VWA8: variants seen among roughly 807,000 people sequenced by gnomAD.
The protein encoded by VWA8 is von Willebrand factor A domain containing 8.
In VWA8, 221 loss-of-function variants were observed where a neutral mutation model predicts 241.5. The ratio of observed to expected loss-of-function variants is 0.91; its 90% CI spans 0.82 to 1.02. The LOEUF is 1.02. Among genes scored for constraint, VWA8 ranks in the 50% least tolerant of loss-of-function variants. VWA8 has a pLI of 0.00. For synonymous variants in VWA8, 852 were observed against 827.1 expected, an observed-to-expected ratio of 1.03 and a Z score of -0.52; for missense variants, 2,322 against 2,328.7, an observed-to-expected ratio of 1.00 and a Z score of 0.06.
intron 25 of VWA8, 57 bp downstream of exon 25, chr13:41,721,313 C>A: frequency 6.4e-7 from 1 of 1,573,018 alleles, no homozygotes; most frequent in South Asian, 1.1e-5. Flanking sequence ...ACTGTACAGT[C>A]TGAAAAAATA....
chr13:41,831,618 T>G (rs956037573), intron 13 of VWA8, among the ~76,000 whole-genome samples: 1 of 83,064 alleles, frequency 1.2e-5, no homozygotes, highest in Non-Finnish European at 3.2e-5. Context: ...CATGAGTTTT[T>G]TTTTTTTTTT....
At chr13:41,732,311 T>G (rs1259989917) in intron 21 of VWA8, among the ~76,000 whole-genome samples, 156 bp from the exon 22 acceptor site, 3 of 152,086 alleles carry the variant, frequency 2.0e-5, no homozygotes, top group Non-Finnish European at 2.9e-5. Flanking sequence ...GAAATTTATT[T>G]GAGTAACAAT....
At chr13:41,870,650 AAAG>A (rs1221482325) in intron 9 of VWA8, among the ~76,000 whole-genome samples, 1 of 151,778 alleles carries the variant, frequency 6.6e-6, no homozygotes, top group Non-Finnish European at 1.5e-5. Flanking sequence ...AAAAAAAAAA[AAAG>A]AAAAAAAATT....
chr13:41,716,470 G>A (rs914577024), intron 26 of VWA8, among the ~76,000 whole-genome samples: 3 of 152,190 alleles, frequency 2.0e-5, no homozygotes, highest in Middle Eastern at 3.4e-3. Context: ...GAACAGACAA[G>A]TATATTCTGA....
At chr13:41,586,999 G>A (rs573514995) in intron 42 of VWA8, among the ~76,000 whole-genome samples, 25 of 152,114 alleles carry the variant, frequency 1.6e-4, no homozygotes, top group Middle Eastern at 6.8e-3. Context: ...AAAATGGAGG[G>A]TGTGCAGCAA....
At position 41,815,832 on chromosome 13, in the gene VWA8, G is replaced by A. The variant is rs9532927; in HGVS notation, c.1947+866C>T. Among the ~76,000 whole-genome samples the A allele has an allele frequency of 5.5e-3, 835 of 152,306 alleles. 4 individuals are homozygous for A. Among genetic ancestry groups the A allele is most frequent in the Non-Finnish European group, 9.2e-3 (627 of 68,024 alleles). ...CAGTCAAGAGGATATAATATTCCAG[G>A]AGAAAGATTATGAAATCCACTACTA... On this transcript the variant is annotated intron_variant, in intron 16 of 44. Coordinates refer to ENST00000379310, the MANE Select transcript of VWA8 (RefSeq NM_015058.2).
At chr13:41,736,112 T>A (rs2045522864) in intron 21 of VWA8, among the ~76,000 whole-genome samples, 1 of 152,186 alleles carries the variant, frequency 6.6e-6, no homozygotes, top group South Asian at 2.1e-4. Context: ...TACATGTTCT[T>A]AGCCTAAAGC....
At chr13:41,704,474 TTTTC>T (rs2045270565) in intron 26 of VWA8, among the ~76,000 whole-genome samples, 2 of 151,920 alleles carry the variant, frequency 1.3e-5, no homozygotes, top group African/African-American at 4.8e-5. Flanking sequence ...TTTTTTTTTT[TTTTC>T]TTTGAGACAG....
intron 19 of VWA8, among the ~76,000 whole-genome samples, chr13:41,782,134 C>A (rs374417406): frequency 2.0e-5 from 3 of 152,170 alleles, no homozygotes; most frequent in African/African-American, 7.2e-5. Context: ...AGAGAAGGTA[C>A]GTTTGGAGAC....
chr13:41,568,303 A>T lies in VWA8; in HGVS notation c.5612T>A (p.Leu1871His). Residue 1871 changes from leucine to histidine, a missense_variant and splice_region_variant, in exon 45 of 45, where the codon CTT (leucine) becomes CAT (histidine). By Grantham distance (99) the Leu-to-His change is moderately conservative. Transcript: ENST00000379310. ...IGSLGDQATRLQRTLPAGRSF... is the reference protein window; with the variant it reads ...IGSLGDQATRHQRTLPAGRSF... The stretch of plus-strand genomic sequence containing the variant: ...CCGACCAGCTGGTAAAGTTCTCTGA[A>T]GCCTGCCAGGATGGAAAGGGAAAGG... The T allele has an allele frequency of 6.2e-7, 1 of 1,613,972 alleles. No individual in the cohort carries two copies.
At chr13:41,770,541 G>GA (rs2045813705) in intron 20 of VWA8, among the ~76,000 whole-genome samples, 1 of 151,910 alleles carries the variant, frequency 6.6e-6, no homozygotes, top group South Asian at 2.1e-4. Flanking sequence ...GTCTCTCTAT[G>GA]AAGGGGATTT....
intron 42 of VWA8, among the ~76,000 whole-genome samples, chr13:41,576,296 T>C (rs1448768470): frequency 2.0e-5 from 3 of 152,246 alleles, no homozygotes; most frequent in Non-Finnish European, 2.9e-5. Flanking sequence ...GCACAAATGC[T>C]GTAAGAGAGT....
At chr13:41,921,717 C>T (rs904657287) in intron 2 of VWA8, among the ~76,000 whole-genome samples, 6 of 152,124 alleles carry the variant, frequency 3.9e-5, no homozygotes, top group African/African-American at 1.2e-4. Flanking sequence ...CCTAGGAATC[C>T]AACTTACAAG....
chr13:41,820,015 G>A (rs1331318666), intron 14 of VWA8, among the ~76,000 whole-genome samples: 1 of 152,144 alleles, frequency 6.6e-6, no homozygotes, highest in Non-Finnish European at 1.5e-5. Flanking sequence ...AAACTCTCTG[G>A]TAGGGAAACT....
intron 21 of VWA8, among the ~76,000 whole-genome samples, chr13:41,757,294 T>C (rs2045701268): frequency 6.6e-6 from 1 of 151,738 alleles, no homozygotes; most frequent in South Asian, 2.1e-4. Context: ...ATATGACAAA[T>C]ACTTAAAAAT....
In VWA8 at chr13:41,931,073, C is replaced by T. The variant is rs796506749; in HGVS notation, c.241+18863G>A. On this transcript the variant is annotated intron_variant, in intron 2 of 44. Coordinates refer to ENST00000379310, the MANE Select transcript of VWA8 (RefSeq NM_015058.2). Reference sequence around the variant, plus strand: ...CTGAGGCAGGAGAATCGCTTGAACCCGGGAGACGAAGGTTGCAGTGAGCCG... The same window carrying T: ...CTGAGGCAGGAGAATCGCTTGAACCTGGGAGACGAAGGTTGCAGTGAGCCG... Among the ~76,000 whole-genome samples, 2 of 150,616 alleles carry T rather than the reference C, an allele frequency of 1.3e-5. 1 individual carries two copies. Among genetic ancestry groups the T allele is most frequent in the African/African-American group, 4.9e-5 (2 of 40,910 alleles).
At chr13:41,657,320 A>G (rs2044913461) in intron 37 of VWA8, among the ~76,000 whole-genome samples, 1 of 151,720 alleles carries the variant, frequency 6.6e-6, no homozygotes, top group Admixed American at 6.6e-5. Context: ...TAGGTTTCTG[A>G]GCCAATAAAT....
intron 35 of VWA8, among the ~76,000 whole-genome samples, chr13:41,681,354 G>A (rs1431774472): frequency 6.6e-6 from 1 of 152,014 alleles, no homozygotes; most frequent in African/African-American, 2.4e-5. Flanking sequence ...CCTGCATAAA[G>A]CCTACCTTCC....
At chr13:41,656,361 A>G (rs1192815158) in intron 37 of VWA8, among the ~76,000 whole-genome samples, 1 of 152,218 alleles carries the variant, frequency 6.6e-6, no homozygotes, top group African/African-American at 2.4e-5. Context: ...GCCCTTCAAC[A>G]GCTTTGTATT....
Sources: allele counts gnomAD v4.1 joint callset (sites outside exome capture counted in the v4.1 genomes callset), GRCh38; gene constraint gnomAD v4.1.1; transcripts MANE v1.5; gene names NCBI Gene and HGNC (gene_info 2026-07-23, HGNC 2026-07-21).